The following RNLS variants were observed in gnomAD, a reference collection of about 807,000 sequenced individuals.
The protein encoded by RNLS is renalase, FAD dependent amine oxidase.
A neutral mutation model predicts 39.8 loss-of-function variants in RNLS; 39 were observed. The observed-to-expected ratio is 0.98, with a 90% CI of 0.76 to 1.28. The LOEUF is 1.28. RNLS is among the 50% of genes most tolerant of loss of function. RNLS has a pLI of 0.00. For synonymous variants in RNLS, 147 were observed against 150.7 expected, an observed-to-expected ratio of 0.98 and a Z score of 0.18; for missense variants, 410 against 413.3, an observed-to-expected ratio of 0.99 and a Z score of 0.07.
intron 4 of RNLS, among the ~76,000 whole-genome samples, chr10:88,536,900 C>CT (rs1847791042): frequency 1.3e-5 from 2 of 152,188 alleles, no homozygotes; most frequent in African/African-American, 4.8e-5. Context: ...TGTTGATTGT[C>CT]TGTCTTCCAC....
intron 6 of RNLS, among the ~76,000 whole-genome samples, chr10:88,300,920 C>G (rs1383950254): frequency 6.6e-6 from 1 of 152,106 alleles, no homozygotes; most frequent in African/African-American, 2.4e-5. Context: ...GAAATAGGGC[C>G]TATTTCTTGC....
chr10:88,366,653 T>A (rs1451811865), intron 4 of RNLS, among the ~76,000 whole-genome samples: 2 of 77,144 alleles, frequency 2.6e-5, no homozygotes, highest in Admixed American at 2.2e-4. Flanking sequence ...GGGGAGAAAG[T>A]AAGTTTTCTG....
At chr10:88,555,536 T>G (rs1848822203) in intron 4 of RNLS, among the ~76,000 whole-genome samples, 1 of 152,076 alleles carries the variant, frequency 6.6e-6, no homozygotes, top group African/African-American at 2.4e-5. Flanking sequence ...CCCTTCACGC[T>G]TCACCATGAC....
intron 4 of RNLS, among the ~76,000 whole-genome samples, chr10:88,499,554 G>A (rs1845355133): frequency 6.6e-6 from 1 of 151,860 alleles, no homozygotes; most frequent in Non-Finnish European, 1.5e-5. Context: ...TTTTTGCAGG[G>A]GTGGGGTGAG....
At chr10:88,304,213 A>AGAT (rs1844751300) in intron 6 of RNLS, among the ~76,000 whole-genome samples, 1 of 152,222 alleles carries the variant, frequency 6.6e-6, no homozygotes, top group South Asian at 2.1e-4. Flanking sequence ...GCAACCTCAA[A>AGAT]GATTGAAGAT....
intron 4 of RNLS, among the ~76,000 whole-genome samples, chr10:88,526,388 A>G (rs1365017578): frequency 6.6e-6 from 1 of 152,050 alleles, no homozygotes; most frequent in Non-Finnish European, 1.5e-5. Flanking sequence ...ATTTCCTACT[A>G]AAATGACAAT....
At chr10:88,502,334 G>C (rs1406862977) in intron 4 of RNLS, among the ~76,000 whole-genome samples, 1 of 147,960 alleles carries the variant, frequency 6.8e-6, no homozygotes, top group Non-Finnish European at 1.5e-5. Context: ...AGGTGGGCGG[G>C]GGGGCGGGGT....
chr10:88,447,410 T>C (rs1842100624), intron 4 of RNLS, among the ~76,000 whole-genome samples: 1 of 152,136 alleles, frequency 6.6e-6, no homozygotes, highest in Non-Finnish European at 1.5e-5. Context: ...CCATTCACAA[T>C]TGCTTCAAAG....
chr10:88,353,069 C>T (rs925648641), intron 5 of RNLS, among the ~76,000 whole-genome samples: 1 of 152,068 alleles, frequency 6.6e-6, no homozygotes, highest in Non-Finnish European at 1.5e-5. Context: ...TTTTTTATTG[C>T]ACCTATTTGA....
At chr10:88,205,816 C>T in the RNLS span, among the ~76,000 whole-genome samples, 2 of 151,988 alleles carry the variant, frequency 1.3e-5, no homozygotes, top group Admixed American at 6.6e-5. Flanking sequence ...TCATGTATAC[C>T]CTGGAAGAGG....
intron 4 of RNLS, among the ~76,000 whole-genome samples, chr10:88,405,387 G>C (rs1025879611): frequency 6.6e-6 from 1 of 151,954 alleles, no homozygotes; most frequent in Non-Finnish European, 1.5e-5. Context: ...CCAGTGTTAG[G>C]TGCATATATG....
chr10:88,332,005 A>G (rs1222645256), intron 5 of RNLS, among the ~76,000 whole-genome samples: 1 of 152,148 alleles, frequency 6.6e-6, no homozygotes, highest in African/African-American at 2.4e-5. Context: ...TTGCCTTGCT[A>G]GCAGAACCAA....
the RNLS span, among the ~76,000 whole-genome samples, chr10:88,254,709 G>C: frequency 5.9e-5 from 9 of 152,182 alleles, no homozygotes; most frequent in South Asian, 1.2e-3. Flanking sequence ...TTACACACCG[G>C]GTATTTAATA....
At chr10:88,250,164 G>A in the RNLS span, among the ~76,000 whole-genome samples, 2 of 152,128 alleles carry the variant, frequency 1.3e-5, no homozygotes. Context: ...TAATCACTTT[G>A]TTTCTCTCCC....
intron 4 of RNLS, among the ~76,000 whole-genome samples, chr10:88,485,435 C>A (rs1473313718): frequency 6.6e-6 from 1 of 151,726 alleles, no homozygotes; most frequent in Non-Finnish European, 1.5e-5. Flanking sequence ...ATACCTGACA[C>A]TATATATAAG....
chr10:88,395,167 C>T (rs914673006), intron 4 of RNLS, among the ~76,000 whole-genome samples: 1 of 146,674 alleles, frequency 6.8e-6, no homozygotes, highest in Non-Finnish European at 1.5e-5. Flanking sequence ...ATGTTGCGCA[C>T]ATGTACCCTA....
intron 4 of RNLS, among the ~76,000 whole-genome samples, chr10:88,509,048 G>T (rs1294318073): frequency 1.3e-5 from 2 of 151,996 alleles, no homozygotes; most frequent in Admixed American, 1.3e-4. Context: ...TTCTAAGATT[G>T]CCTATGTAGG....
chr10:88,269,498 T>C (rs1370393402), downstream of RNLS, among the ~76,000 whole-genome samples: 1 of 152,154 alleles, frequency 6.6e-6, no homozygotes, highest in East Asian at 1.9e-4. Flanking sequence ...TTCTTACCCA[T>C]CATCAAACTA....
At chr10:88,490,559 G>T (rs933897218) in intron 4 of RNLS, among the ~76,000 whole-genome samples, 1 of 152,134 alleles carries the variant, frequency 6.6e-6, no homozygotes, top group Non-Finnish European at 1.5e-5. Context: ...CAGGAGTAAC[G>T]TCTTCTAGCT....
Sources: gnomAD v4.1 joint callset for allele counts (sites outside exome capture counted in the v4.1 genomes callset) on GRCh38, gnomAD v4.1.1 for gene constraint, MANE v1.5 for transcripts, NCBI Gene and HGNC (gene_info 2026-07-23, HGNC 2026-07-21) for gene names.